Variants in NUP133 observed in about 807,000 individuals in gnomAD.
NUP133 encodes nucleoporin 133.
NUP133 carries 66 observed loss-of-function variants against 146.2 expected under a neutral mutation model. The observed-to-expected ratio is 0.45, with a 90% CI of 0.37 to 0.55. The LOEUF (loss-of-function observed/expected upper bound fraction) is 0.55, where lower values mean the gene tolerates loss of function less well. Among genes scored for constraint, NUP133 ranks in the 20% least tolerant of loss-of-function variants. The pLI is 0.00. For missense variants in NUP133, 1,277 were observed against 1,374.8 expected, an observed-to-expected ratio of 0.93 and a Z score of 1.12; for synonymous variants, 521 against 498.8, an observed-to-expected ratio of 1.04 and a Z score of -0.59.
chr1:229,451,386 A>G (rs11809370), intron 22 of NUP133, among the ~76,000 whole-genome samples: 41,283 of 151,900 alleles, frequency 0.27, 7,357 homozygotes, highest in African/African-American at 0.51. Flanking sequence ...CAGCCCGAGC[A>G]ATACCAAGAT....
chr1:229,479,071 C>CAG (rs150349081), intron 12 of NUP133, among the ~76,000 whole-genome samples: 49 of 150,530 alleles, frequency 3.3e-4, no homozygotes, highest in East Asian at 1.2e-3. Flanking sequence ...ATGACAGAGA[C>CAG]AGAGAGAGAG....
Position 229,440,390 on chromosome 1 carries a change from T to C in NUP133, c.*1514A>G, listed in dbSNP as rs565480911. The C allele has an allele frequency of 6.6e-6, 1 of 152,128 alleles. No individual in the cohort carries two copies. The highest frequency in any genetic ancestry group is 1.9e-4 in the East Asian group (1 of 5,178). 9.4% of individuals were successfully genotyped at this position (152,128 alleles called of 1,614,324 possible). Reference sequence around the variant, plus strand: ...TTTCTTCCCTTGAACAGGATGACTCTACTTCACACGGTAAGAGCAGTCGTT... The same window carrying C: ...TTTCTTCCCTTGAACAGGATGACTCCACTTCACACGGTAAGAGCAGTCGTT... On this transcript the variant is annotated 3_prime_UTR_variant, in exon 26 of 26. Transcript: ENST00000261396.
At chr1:229,469,426 T>C (rs1317552345) in intron 15 of NUP133, among the ~76,000 whole-genome samples, 2 of 152,144 alleles carry the variant, frequency 1.3e-5, no homozygotes, top group Admixed American at 1.3e-4. Flanking sequence ...TCTCTGAAAA[T>C]AAATCTGATT....
At chr1:229,495,401 G>C (rs1438914442) in intron 8 of NUP133, 94 bp downstream of exon 8, 6 of 830,156 alleles carry the variant, frequency 7.2e-6, no homozygotes, top group Non-Finnish European at 1.2e-5. Flanking sequence ...CAAAGAAAGA[G>C]CACATAGTGA....
At chr1:229,477,500 T>C in intron 13 of NUP133, 97 bp downstream of exon 13, 1 of 900,788 alleles carries the variant, frequency 1.1e-6, no homozygotes, top group Non-Finnish European at 1.6e-6. Context: ...AATATTAAAT[T>C]GTTTGAGAAG....
intron 24 of NUP133, among the ~76,000 whole-genome samples, chr1:229,448,470 C>A (rs1329295464): frequency 2.0e-5 from 3 of 151,968 alleles, no homozygotes; most frequent in East Asian, 1.9e-4. Context: ...AGGGGAGGAA[C>A]CCTCAGTTCT....
chr1:229,492,797 A>G (rs578258913), intron 8 of NUP133, among the ~76,000 whole-genome samples: 196 of 152,160 alleles, frequency 1.3e-3, no homozygotes, highest in African/African-American at 4.6e-3. Flanking sequence ...ATAAAAGACT[A>G]CATATTGGAT....
At chr1:229,498,627 G>A (rs942339811) in intron 5 of NUP133, among the ~76,000 whole-genome samples, 11 of 151,846 alleles carry the variant, frequency 7.2e-5, no homozygotes, top group African/African-American at 1.7e-4. Context: ...GTGGCGGTGC[G>A]CACCTGTAAT....
At chr1:229,489,868 T>C in intron 9 of NUP133, 87 bp downstream of exon 9, 8 of 1,265,892 alleles carry the variant, frequency 6.3e-6, no homozygotes, top group Non-Finnish European at 8.4e-6. Flanking sequence ...AGAGCAAAAC[T>C]CTTTCAATAA....
rs554497309 is a variant in NUP133 at position 229,452,789 on chromosome 1, T to G, written c.2981-146A>C. ...CTATCTTTATTCAATGATCTCAGAA[T>G]GCTTTTAATTCTTATTCTTGATTGC... On this transcript the variant is annotated intron_variant, in intron 21 of 25. Transcript: ENST00000261396. 2.1e-5 allele frequency: 12 copies of G among 567,576 alleles called. No homozygotes were observed. In the Admixed American group the frequency reaches 3.8e-4, roughly 18 times the overall value. 35.2% of individuals were successfully genotyped at this position (567,576 alleles called of 1,614,324 possible).
chr1:229,467,013 T>G (rs1660841734), intron 15 of NUP133, among the ~76,000 whole-genome samples: 1 of 152,232 alleles, frequency 6.6e-6, no homozygotes, highest in Admixed American at 6.5e-5. Flanking sequence ...CGATGATATT[T>G]TTTATTATAG....
At chr1:229,502,814 A>T (rs1316791914) in intron 2 of NUP133, among the ~76,000 whole-genome samples, 1 of 150,156 alleles carries the variant, frequency 6.7e-6, no homozygotes, top group Non-Finnish European at 1.5e-5. Flanking sequence ...AAAAAAAAAA[A>T]ATAGCCAGGC....
intron 24 of NUP133, among the ~76,000 whole-genome samples, chr1:229,446,961 C>A (rs897468017): frequency 6.6e-6 from 1 of 151,870 alleles, no homozygotes; most frequent in East Asian, 1.9e-4. Context: ...CCTGTCTCTA[C>A]TAAAAATACA....
chr1:229,479,202 C>T lies in NUP133; in HGVS notation c.1593-1442G>A, dbSNP rs762158590. 9.3e-4 allele frequency among the ~76,000 whole-genome samples: 142 copies of T among 152,338 alleles called. 1 individual carries two copies. The highest frequency in any genetic ancestry group is 1.5e-3 in the Admixed American group (23 of 15,294). ...ATCCACCCATATTCAAGTCCTGCAGCTGGCTCTGTGGAGCTCCAGCATACA... is the reference window on the plus strand; with the variant it reads ...ATCCACCCATATTCAAGTCCTGCAGTTGGCTCTGTGGAGCTCCAGCATACA... On this transcript the variant is annotated intron_variant, in intron 12 of 25. Coordinates refer to ENST00000261396, the MANE Select transcript of NUP133 (RefSeq NM_018230.3).
rs796951391 is a variant in NUP133, at chr1:229,507,792, AGGT to A, written c.182+273_182+275del. The stretch of plus-strand genomic sequence containing the variant: ...ACTTACACCAGATCACACGGGTAGT[AGGT>A]GGGAAGTAGGTAAACACTGATGCAA... On this transcript the variant is annotated intron_variant, in intron 1 of 25. Transcript: ENST00000261396. 13 of 376,966 alleles carry A rather than the reference AGGT, an allele frequency of 3.4e-5. No individual in the cohort carries two copies. The South Asian group carries it at 1.3e-3, about 37-fold the overall frequency. The allele number at this position is 376,966 out of a possible 1,614,324, so 23.4% of individuals were successfully genotyped here. A position where few individuals can be genotyped will look rare whatever the true frequency, so the allele number is the denominator to read the frequency against.
intron 14 of NUP133, among the ~76,000 whole-genome samples, chr1:229,473,714 A>G (rs10916486): frequency 0.29 from 44,324 of 152,006 alleles, 8,694 homozygotes; most frequent in African/African-American, 0.56. Context: ...CTTGAGCTTA[A>G]GAGTTCGAAA....
chr1:229,506,821 T>TAC (rs1553261185), intron 1 of NUP133, among the ~76,000 whole-genome samples: 3 of 131,268 alleles, frequency 2.3e-5, no homozygotes, highest in Non-Finnish European at 4.7e-5. Context: ...CCTGTCTCTT[T>TAC]AAAAAAAAAA....
At chr1:229,473,252 C>CA (rs762430379) in intron 14 of NUP133, among the ~76,000 whole-genome samples, 29 of 151,926 alleles carry the variant, frequency 1.9e-4, no homozygotes, top group Non-Finnish European at 3.4e-4. Flanking sequence ...TGTATCCAAA[C>CA]AAAAAACACA....
chr1:229,495,519 C>T lies in NUP133; in HGVS notation c.1022G>A (p.Arg341Gln), dbSNP rs1279536324. 2.5e-6 allele frequency: 4 copies of T among 1,611,978 alleles called. No individual in the cohort carries two copies. The South Asian group carries it at 3.3e-5, about 13-fold the overall frequency. Residue 341 changes from arginine to glutamine, a missense_variant, in exon 8 of 26, where the codon CGA becomes CAA. Physicochemically the swap from Arg to Gln is conservative, Grantham distance 43. Around this residue, in one of 3 missense-constraint regions of NUP133, gnomAD observed 952 missense variants for 1,047.0 expected, o/e 0.91. Transcript: ENST00000261396. ...YEAIKEGVNI[R>Q]YLDLKQNCDG... ...CCAGTTTTGCTTCAAGTCCAAATAT[C>T]GAATGTTGACTCCTTCTTTAATAGC...
Sources: allele counts gnomAD v4.1 joint callset (sites outside exome capture counted in the v4.1 genomes callset), GRCh38; gene constraint gnomAD v4.1.1; regional missense constraint gnomAD v4.1.1; transcripts MANE v1.5; gene names NCBI Gene and HGNC (gene_info 2026-07-23, HGNC 2026-07-21).